The following LMAN2L variants were observed in gnomAD, a reference collection of about 807,000 sequenced individuals.
The protein encoded by LMAN2L is lectin, mannose binding 2 like.
Under a neutral mutation model 44.3 loss-of-function variants are expected in LMAN2L, and 30 were observed. The ratio of observed to expected loss-of-function variants is 0.68; its 90% CI spans 0.51 to 0.92. The LOEUF (loss-of-function observed/expected upper bound fraction) is 0.92, where lower values mean the gene tolerates loss of function less well. LMAN2L is among the 40% of genes least tolerant of loss of function. The probability of loss-of-function intolerance (pLI) is 0.00; values close to 1 mark genes in which losing one functional copy is unlikely to be tolerated. For missense variants in LMAN2L, 429 were observed against 446.1 expected, an observed-to-expected ratio of 0.96 and a Z score of 0.35; for synonymous variants, 183 against 171.1, an observed-to-expected ratio of 1.07 and a Z score of -0.54.
Position 96,738,078 on chromosome 2 carries a change from G to A in LMAN2L, c.188-11C>T. 6.3e-7 allele frequency: 1 copy of A among 1,583,940 alleles called. No individual in the cohort carries two copies. Among genetic ancestry groups the A allele is most frequent in the South Asian group, 1.1e-5 (1 of 90,402 alleles). ...TGCCTGTGCCCACACCTACAGGAAG[G>A]AAGTAGATCAGTTCATACTTTTCAA... On this transcript the variant is annotated splice_polypyrimidine_tract_variant and intron_variant, in intron 1 of 7. Transcript: ENST00000264963.
intron 4 of LMAN2L, among the ~76,000 whole-genome samples, chr2:96,714,594 A>G (rs2077995712): frequency 2.0e-5 from 3 of 152,342 alleles, no homozygotes; most frequent in African/African-American, 7.2e-5. Flanking sequence ...TTCAGTGACA[A>G]TTAAGAAAAA....
intron 4 of LMAN2L, among the ~76,000 whole-genome samples, chr2:96,723,346 G>C (rs889416087): frequency 6.6e-6 from 1 of 152,174 alleles, no homozygotes; most frequent in East Asian, 1.9e-4. Flanking sequence ...CTCTTCTAGA[G>C]AAATACCTAT....
chr2:96,717,104 A>AAC lies in LMAN2L; in HGVS notation c.508-5081_508-5080dup, dbSNP rs551677093. On this transcript the variant is annotated intron_variant, in intron 4 of 7. Coordinates refer to ENST00000264963, the MANE Select transcript of LMAN2L (RefSeq NM_030805.4). ...CTACATAAAATAACTTTTTTTTTTA[A>AAC]ACACACACACACACACAAGTATTTA... 1.3e-3 allele frequency among the ~76,000 whole-genome samples: 194 copies of AAC among 151,540 alleles called. 3 individuals carry two copies. The highest frequency in any genetic ancestry group is 3.4e-3 in the Middle Eastern group (1 of 294).
intron 4 of LMAN2L, among the ~76,000 whole-genome samples, chr2:96,712,462 T>C (rs191718286): frequency 6.6e-6 from 1 of 152,274 alleles, no homozygotes; most frequent in Admixed American, 6.5e-5. Context: ...TTCAGCCCCA[T>C]CTCCTCCCAA....
At chr2:96,709,841 C>T (rs932556933) in intron 6 of LMAN2L, among the ~76,000 whole-genome samples, 3 of 152,204 alleles carry the variant, frequency 2.0e-5, no homozygotes, top group African/African-American at 7.2e-5. Context: ...GACTTACTAA[C>T]TTGGGTATTC....
intron 4 of LMAN2L, among the ~76,000 whole-genome samples, chr2:96,719,129 G>A (rs985866280): frequency 1.3e-5 from 2 of 152,070 alleles, no homozygotes; most frequent in African/African-American, 4.8e-5. Context: ...TTATTTCACT[G>A]CTGACCATCA....
At chr2:96,726,992 G>A (rs2078285446) in intron 4 of LMAN2L, among the ~76,000 whole-genome samples, 1 of 151,940 alleles carries the variant, frequency 6.6e-6, no homozygotes, top group Admixed American at 6.6e-5. Flanking sequence ...GCTGAGGCAG[G>A]AGAATTGCTT....
intron 4 of LMAN2L, among the ~76,000 whole-genome samples, chr2:96,722,566 G>C (rs1164015352): frequency 6.6e-6 from 1 of 152,202 alleles, no homozygotes; most frequent in Non-Finnish European, 1.5e-5. Context: ...GGGAGCAGCT[G>C]TAAATACAGA....
In LMAN2L at chr2:96,714,798, C is replaced by T. The variant is rs542118334; in HGVS notation, c.508-2773G>A. 6.6e-5 allele frequency among the ~76,000 whole-genome samples: 10 copies of T among 152,320 alleles called. No individual in the cohort carries two copies. The South Asian group carries it at 8.3e-4, about 13-fold the overall frequency. ...TAAGGGTGCCTTACTCTTCCCAAGG[C>T]TGGTGTGGACCCAGTTCCAGGTAAC... is the stretch of plus-strand genomic sequence containing the variant. On this transcript the variant is annotated intron_variant, in intron 4 of 7. Transcript: ENST00000264963.
intron 4 of LMAN2L, among the ~76,000 whole-genome samples, chr2:96,720,653 C>T (rs1477889541): frequency 6.6e-6 from 1 of 151,948 alleles, no homozygotes; most frequent in Non-Finnish European, 1.5e-5. Context: ...AAAATAACTA[C>T]AATACAGCCA....
chr2:96,737,964 G>A lies in LMAN2L; in HGVS notation c.291C>T (p.Ala97=), dbSNP rs752693546. 1 of 1,611,778 alleles carries A rather than the reference G, an allele frequency of 6.2e-7. No homozygotes were observed. Among genetic ancestry groups the A allele is most frequent in the Non-Finnish European group, 8.5e-7 (1 of 1,177,878 alleles). Residue 97 remains alanine, a synonymous_variant, in exon 2 of 8, where the codon GCC becomes GCT. Transcript: ENST00000264963. ...AGATTCTTACCACCCGGTTCCACAA[G>A]GCACCCTGTTTACTTTGCATATCTG... ...LTPDMQSKQG[A]LWNRVPCFLR...
At chr2:96,725,963 C>T (rs2078261407) in intron 4 of LMAN2L, among the ~76,000 whole-genome samples, 1 of 151,560 alleles carries the variant, frequency 6.6e-6, no homozygotes, top group South Asian at 2.1e-4. Flanking sequence ...GAAACCCCAT[C>T]TCTACTAAAA....
intron 3 of LMAN2L, 77 bp from the exon 4 acceptor site, chr2:96,733,678 A>G: frequency 8.4e-7 from 1 of 1,192,692 alleles, no homozygotes; most frequent in Non-Finnish European, 1.2e-6. Context: ...ACTATGATGG[A>G]GGAAAAAGTA....
rs1574036241 is a variant in LMAN2L, at chr2:96,739,852, A to C, written c.187+2T>G. On this transcript the variant is annotated splice_donor_variant, in intron 1 of 7. Coordinates refer to ENST00000264963, the MANE Select transcript of LMAN2L (RefSeq NM_030805.4). LOFTEE classifies it high-confidence loss of function. ...ACGACCACCTCACCCTGGGCGCCTCACCCTGGTAGGGCTTCGACAGCGAGT... is the reference window on the plus strand; with the variant it reads ...ACGACCACCTCACCCTGGGCGCCTCCCCCTGGTAGGGCTTCGACAGCGAGT... The C allele has an allele frequency of 2.5e-6, 4 of 1,612,906 alleles. No homozygotes were observed. Among genetic ancestry groups the C allele is most frequent in the Non-Finnish European group, 3.4e-6 (4 of 1,179,924 alleles).
chr2:96,726,192 T>C (rs1016230188), intron 4 of LMAN2L, among the ~76,000 whole-genome samples: 10 of 151,674 alleles, frequency 6.6e-5, no homozygotes, highest in Non-Finnish European at 2.9e-5. Flanking sequence ...TTTTTGCATA[T>C]TTTATAATAT....
chr2:96,736,646 G>A (rs763647307), intron 2 of LMAN2L, among the ~76,000 whole-genome samples: 4 of 152,146 alleles, frequency 2.6e-5, no homozygotes, highest in Non-Finnish European at 5.9e-5. Context: ...GTCTTTTCAT[G>A]TCTATTGTCC....
Position 96,740,047 on chromosome 2 carries a change from C to T in LMAN2L, c.-7G>A, listed in dbSNP as rs773135181. The T allele has an allele frequency of 3.1e-6, 5 of 1,600,202 alleles. No individual in the cohort carries two copies. The highest frequency in any genetic ancestry group is 2.7e-5 in the African/African-American group (2 of 74,610). On this transcript the variant is annotated 5_prime_UTR_variant, in exon 1 of 8. An upstream open reading frame in the 5' UTR gains an earlier in-frame stop. Transcript: ENST00000264963. The stretch of plus-strand genomic sequence containing the variant: ...GTCCCAGAGTCGCCGCCATCTTTCC[C>T]ACCAACGACCCTTCATCAAAAGCCC...
At chr2:96,709,944 C>T (rs903298463) in intron 6 of LMAN2L, among the ~76,000 whole-genome samples, 3 of 152,260 alleles carry the variant, frequency 2.0e-5, no homozygotes, top group East Asian at 1.9e-4. Flanking sequence ...TTAAAAAGTA[C>T]GTCAGGAGGT....
intron 4 of LMAN2L, among the ~76,000 whole-genome samples, chr2:96,722,217 C>T (rs1226727338): frequency 6.6e-6 from 1 of 152,130 alleles, no homozygotes; most frequent in Non-Finnish European, 1.5e-5. Flanking sequence ...ATCCGCCCAC[C>T]TTGGCCTCCC....
Sources: allele counts gnomAD v4.1 joint callset (sites outside exome capture counted in the v4.1 genomes callset), GRCh38; gene constraint gnomAD v4.1.1; transcripts MANE v1.5; gene names NCBI Gene and HGNC (gene_info 2026-07-23, HGNC 2026-07-21).